ATP6V1A: variants seen among roughly 807,000 people sequenced by gnomAD.
ATP6V1A encodes the protein V-type proton ATPase catalytic subunit A.
ATP6V1A carries 18 observed loss-of-function variants against 70.1 expected under a neutral mutation model. The observed-to-expected ratio is 0.26, with a 90% confidence interval of 0.18 to 0.38. ATP6V1A has a LOEUF of 0.38. Ranked by LOEUF, ATP6V1A falls within the 10% of genes least tolerant of loss-of-function variation. The pLI is 1.00. For synonymous variants in ATP6V1A, 232 were observed against 253.8 expected, an observed-to-expected ratio of 0.91 and a Z score of 0.82; for missense variants, 424 against 772.4, an observed-to-expected ratio of 0.55 and a Z score of 5.35.
At chr3:113,807,955 A>G (rs1407819977) in intron 14 of ATP6V1A, among the ~76,000 whole-genome samples, 1 of 151,758 alleles carries the variant, frequency 6.6e-6, no homozygotes, top group Admixed American at 6.6e-5. Context: ...ACATGGAGAA[A>G]CCCCGTCTCT....
intron 12 of ATP6V1A, 103 bp from the exon 13 acceptor site, chr3:113,803,480 G>T: frequency 4.9e-6 from 4 of 821,648 alleles, no homozygotes; most frequent in Non-Finnish European, 7.9e-6. Flanking sequence ...ATTAACAATA[G>T]GTGATGGTGG....
In ATP6V1A at chr3:113,809,447, T is replaced by A; in HGVS notation, c.*20T>A. 1.3e-6 allele frequency: 2 copies of A among 1,599,800 alleles called. No individual in the cohort carries two copies. The highest frequency in any genetic ancestry group is 1.7e-6 in the Non-Finnish European group (2 of 1,169,198). ...GATTAGAAGCCTTGAAGATTACAAC[T>A]GTGATTTCCTTTTCCTCAGCAAGCT... On this transcript the variant is annotated 3_prime_UTR_variant, in exon 15 of 15. Transcript: ENST00000273398.
At chr3:113,767,086 C>CTTTTT (rs369126041) in intron 1 of ATP6V1A, among the ~76,000 whole-genome samples, 6 of 107,856 alleles carry the variant, frequency 5.6e-5, no homozygotes, top group Admixed American at 1.0e-4. Flanking sequence ...GATGTTATGT[C>CTTTTT]TTTTTTTTTT....
chr3:113,761,603 G>A (rs1253787205), intron 1 of ATP6V1A, among the ~76,000 whole-genome samples: 13 of 151,370 alleles, frequency 8.6e-5, no homozygotes, highest in Non-Finnish European at 1.8e-4. Context: ...GGGCATGGAG[G>A]CACATGCCTG....
At chr3:113,775,766 A>G (rs957977168) in intron 1 of ATP6V1A, among the ~76,000 whole-genome samples, 5 of 152,164 alleles carry the variant, frequency 3.3e-5, no homozygotes, top group Admixed American at 6.5e-5. Context: ...GGAAATACCC[A>G]TATGTGGGGA....
intron 8 of ATP6V1A, among the ~76,000 whole-genome samples, chr3:113,793,372 T>C (rs965769315): frequency 1.4e-4 from 22 of 152,184 alleles, no homozygotes; most frequent in African/African-American, 4.8e-4. Flanking sequence ...CAGAAACTCT[T>C]TGATTAATGA....
At chr3:113,800,601 A>G (rs1018601392) in intron 12 of ATP6V1A, among the ~76,000 whole-genome samples, 1 of 152,238 alleles carries the variant, frequency 6.6e-6, no homozygotes, top group Non-Finnish European at 1.5e-5. Context: ...TTCCACATAC[A>G]AAGTTAGAAT....
chr3:113,782,721 T>G (rs1559755669), intron 3 of ATP6V1A, among the ~76,000 whole-genome samples: 1 of 151,470 alleles, frequency 6.6e-6, no homozygotes, highest in Non-Finnish European at 1.5e-5. Flanking sequence ...CCTCCCAGGT[T>G]TGAGCAATTC....
At chr3:113,750,941 T>G (rs1488071063) in intron 1 of ATP6V1A, among the ~76,000 whole-genome samples, 3 of 152,180 alleles carry the variant, frequency 2.0e-5, no homozygotes, top group Admixed American at 6.5e-5. Context: ...AACAGATTTA[T>G]TAATTTTATC....
Position 113,811,746 on chromosome 3 carries a change from G to A in ATP6V1A, c.*2319G>A, listed in dbSNP as rs1267872621. The A allele has an allele frequency of 2.6e-5, 4 of 152,546 alleles. No individual in the cohort carries two copies. Among genetic ancestry groups the A allele is most frequent in the African/African-American group, 7.2e-5 (3 of 41,408 alleles). The allele number at this position is 152,546 out of a possible 1,614,324, so 9.4% of individuals were successfully genotyped here. A position where few individuals can be genotyped will look rare whatever the true frequency, so the allele number is the denominator to read the frequency against. On this transcript the variant is annotated 3_prime_UTR_variant, in exon 15 of 15. Transcript: ENST00000273398. ...TTCACCTGTTACAGAGTTTCAGATC[G>A]GTCACTGATAGTATGTATTTCTTTA...
At chr3:113,793,051 G>A (rs1286268285) in intron 8 of ATP6V1A, among the ~76,000 whole-genome samples, 1 of 150,502 alleles carries the variant, frequency 6.6e-6, no homozygotes, top group Non-Finnish European at 1.5e-5. Flanking sequence ...GTTTTTTGTT[G>A]TTTTTTTTTG....
chr3:113,781,084 G>A lies in ATP6V1A; in HGVS notation c.117G>A (p.Met39Ile). 6.2e-7 allele frequency: 1 copy of A among 1,610,772 alleles called. No individual in the cohort carries two copies. Among genetic ancestry groups the A allele is most frequent in the Non-Finnish European group, 8.5e-7 (1 of 1,178,234 alleles). ...VTACDMAGAA[M>I]YELVRVGHSE... ...CCTGTGACATGGCGGGTGCAGCCAT[G>A]TATGAGCTGGTGAGAGTGGGCCACA... Residue 39 changes from methionine (M) to isoleucine (I), a missense_variant, in exon 3 of 15, where the codon ATG becomes ATA. Physicochemically the swap from Met to Ile is conservative, Grantham distance 10 (BLOSUM62 1). This residue lies in a region of ATP6V1A where 31 missense variants were observed against 78.6 expected (regional missense o/e 0.39). Coordinates refer to ENST00000273398, the MANE Select transcript of ATP6V1A (RefSeq NM_001690.4).
chr3:113,780,655 G>A, intron 2 of ATP6V1A: 1 of 863,278 alleles, frequency 1.2e-6, no homozygotes, highest in African/African-American at 1.8e-5. Context: ...TGATAATTGT[G>A]TGGCATTCTA....
rs1192225198 is a variant in ATP6V1A at position 113,761,114 on chromosome 3, C to CT, written c.-14+14010dup. On this transcript the variant is annotated intron_variant, in intron 1 of 14. Transcript: ENST00000273398. ...TTTCTTTTCTTTTCTTTTTTTTTTT[C>CT]TTTTTTTTTGAGACAGGGTCTCACT... 7.8e-4 allele frequency among the ~76,000 whole-genome samples: 109 copies of CT among 140,218 alleles called. 1 individual carries two copies. In the Middle Eastern group the frequency reaches 0.015, roughly 19 times the overall value. The allele number at this position is 140,218 out of a possible 152,430, so 92.0% of individuals were successfully genotyped here.
intron 13 of ATP6V1A, among the ~76,000 whole-genome samples, chr3:113,804,984 C>T (rs1448487373): frequency 6.6e-6 from 1 of 152,114 alleles, no homozygotes; most frequent in East Asian, 1.9e-4. Flanking sequence ...GTTATTTTAC[C>T]ATTTGGGTTA....
chr3:113,756,930 G>A (rs978328637), intron 1 of ATP6V1A, among the ~76,000 whole-genome samples: 1 of 152,194 alleles, frequency 6.6e-6, no homozygotes, highest in Admixed American at 6.5e-5. Flanking sequence ...GATAATCCGT[G>A]AGTCCTAGTC....
intron 1 of ATP6V1A, among the ~76,000 whole-genome samples, chr3:113,754,782 C>T (rs1409487679): frequency 6.6e-6 from 1 of 152,080 alleles, no homozygotes; most frequent in African/African-American, 2.4e-5. Context: ...GATTAACTTG[C>T]CTTAAGAAAA....
At chr3:113,780,594 C>T (rs926436723) in intron 2 of ATP6V1A, 3 of 391,272 alleles carry the variant, frequency 7.7e-6, no homozygotes, top group Admixed American at 4.6e-5. Flanking sequence ...AGAAAGTAAA[C>T]ATGTTGCTTT....
chr3:113,781,038 T>C lies in ATP6V1A; in HGVS notation c.83-12T>C. On this transcript the variant is annotated splice_polypyrimidine_tract_variant and intron_variant, in intron 2 of 14. Coordinates refer to ENST00000273398, the MANE Select transcript of ATP6V1A (RefSeq NM_001690.4). ...GTCTTAAGTCATCAAAATAGTCTTT[T>C]GTTCTCTTCAGTGGTTACAGCCTGT... 2 of 1,589,618 alleles carry C rather than the reference T, an allele frequency of 1.3e-6. No homozygotes were observed. The highest frequency in any genetic ancestry group is 3.8e-5 in the Admixed American group (2 of 53,230).
Sources: allele counts gnomAD v4.1 joint callset (sites outside exome capture counted in the v4.1 genomes callset), GRCh38; gene constraint gnomAD v4.1.1; regional missense constraint gnomAD v4.1.1; transcripts MANE v1.5; gene names NCBI Gene and HGNC (gene_info 2026-07-23, HGNC 2026-07-21).